FHOD3: variants seen among roughly 807,000 people sequenced by gnomAD.
The protein encoded by FHOD3 is FH1/FH2 domain-containing protein 3.
Under a neutral mutation model 173.0 loss-of-function variants are expected in FHOD3, and 90 were observed. That is an observed-to-expected ratio of 0.52 (90% CI 0.44 to 0.62). The LOEUF (loss-of-function observed/expected upper bound fraction) is 0.62, where lower values mean the gene tolerates loss of function less well. Among genes scored for constraint, FHOD3 ranks in the 20% least tolerant of loss-of-function variants. The pLI, the probability that FHOD3 is intolerant of heterozygous loss-of-function variation, is 0.00. For synonymous variants in FHOD3, 828 were observed against 823.0 expected (o/e 1.01, Z -0.10); for missense variants, 1,945 against 2,034.7 (o/e 0.96, Z 0.85).
At chr18:36,298,996 A>T (rs2144303388) in intron 1 of FHOD3, among the ~76,000 whole-genome samples, 1 of 152,196 alleles carries the variant, frequency 6.6e-6, no homozygotes, top group Non-Finnish European at 1.5e-5. Context: ...TTGAGGGTCG[A>T]CATTAACACA....
chr18:36,389,572 A>G (rs529636782), intron 3 of FHOD3, among the ~76,000 whole-genome samples: 17 of 152,228 alleles, frequency 1.1e-4, no homozygotes, highest in Admixed American at 2.0e-4. Flanking sequence ...GTGGACGTAC[A>G]TAATTATTGT....
intron 10 of FHOD3, among the ~76,000 whole-genome samples, chr18:36,627,825 T>C (rs1673649525): frequency 6.6e-6 from 1 of 152,180 alleles, no homozygotes; most frequent in Non-Finnish European, 1.5e-5. Context: ...AGTCACCTGC[T>C]CAACATCTGT....
chr18:36,671,415 T>C (rs761547082), intron 14 of FHOD3, among the ~76,000 whole-genome samples: 20 of 152,272 alleles, frequency 1.3e-4, no homozygotes, highest in Non-Finnish European at 2.2e-4. Context: ...TGCTGCTGTT[T>C]CATAGATTTT....
At chr18:36,506,347 C>A (rs2055297423) in intron 4 of FHOD3, among the ~76,000 whole-genome samples, 1 of 152,208 alleles carries the variant, frequency 6.6e-6, no homozygotes, top group Non-Finnish European at 1.5e-5. Flanking sequence ...GAAGGATATA[C>A]TACTGCCAAC....
chr18:36,427,865 G>C (rs1568258171), intron 3 of FHOD3, among the ~76,000 whole-genome samples: 1 of 152,180 alleles, frequency 6.6e-6, no homozygotes, highest in Non-Finnish European at 1.5e-5. Context: ...ACTGTCACTG[G>C]ATGTATTTTT....
intron 5 of FHOD3, among the ~76,000 whole-genome samples, chr18:36,574,493 G>C (rs75194110): frequency 0.042 from 6,326 of 151,728 alleles, 335 homozygotes; most frequent in East Asian, 0.15. Flanking sequence ...TAACATATTT[G>C]TTGTCATAGA....
At chr18:36,773,906 C>A (rs905292671) in intron 28 of FHOD3, among the ~76,000 whole-genome samples, 2 of 152,170 alleles carry the variant, frequency 1.3e-5, no homozygotes, top group Non-Finnish European at 2.9e-5. Context: ...TAGCACTTGG[C>A]TAGCATTGTT....
intron 3 of FHOD3, among the ~76,000 whole-genome samples, chr18:36,424,835 A>G (rs755441658): frequency 2.0e-5 from 3 of 152,184 alleles, no homozygotes; most frequent in Non-Finnish European, 2.9e-5. Context: ...CTAAGCTGAA[A>G]TCATCCCTTT....
chr18:36,397,551 A>G (rs1449246986), intron 3 of FHOD3, among the ~76,000 whole-genome samples: 1 of 152,120 alleles, frequency 6.6e-6, no homozygotes, highest in African/African-American at 2.4e-5. Flanking sequence ...TATGCTCTTC[A>G]CCCATTATTT....
rs1444615282 is a variant in FHOD3 at position 36,500,258 on chromosome 18, G to C, written c.338-1674G>C. On this transcript the variant is annotated intron_variant, in intron 3 of 28. Transcript: ENST00000590592. ...GCCGGAAGGCAATATGTCTGGTAGG[G>C]AGACCTTTGAAGAAATGACTGCCAA... Among the ~76,000 whole-genome samples the C allele has an allele frequency of 3.8e-4, 58 of 152,180 alleles. 1 individual carries two copies. The highest frequency in any genetic ancestry group is 3.7e-3 in the Admixed American group (57 of 15,284).
At chr18:36,458,485 G>T (rs961796947) in intron 3 of FHOD3, among the ~76,000 whole-genome samples, 1 of 152,034 alleles carries the variant, frequency 6.6e-6, no homozygotes, top group African/African-American at 2.4e-5. Context: ...CCACAGAGAT[G>T]ATTAAAAACC....
intron 26 of FHOD3, among the ~76,000 whole-genome samples, chr18:36,759,816 C>T (rs1396759441): frequency 6.6e-6 from 1 of 152,260 alleles, no homozygotes; most frequent in Admixed American, 6.5e-5. Flanking sequence ...AGGAAGCCAG[C>T]AGTCTGTGGA....
Position 36,742,868 on chromosome 18 carries a change from C to T in FHOD3, c.3879+12C>T, listed in dbSNP as rs2041969468. 6.2e-7 allele frequency: 1 copy of T among 1,607,958 alleles called. No individual in the cohort carries two copies. The highest frequency in any genetic ancestry group is 8.5e-7 in the Non-Finnish European group (1 of 1,177,950). ...TAAATGGAACTAATGTAAGTCATCC[C>T]CATCCCTCATCCTGTAGCCCCCCCT... On this transcript the variant is annotated intron_variant, in intron 22 of 28. Coordinates refer to ENST00000590592, the MANE Select transcript of FHOD3 (RefSeq NM_001281740.3).
At chr18:36,738,304 T>C (rs1173596821) in intron 20 of FHOD3, among the ~76,000 whole-genome samples, 24 of 152,354 alleles carry the variant, frequency 1.6e-4, no homozygotes, top group Admixed American at 1.6e-3. Context: ...TACAAGTGTT[T>C]GTGTCAAAGT....
intron 3 of FHOD3, among the ~76,000 whole-genome samples, chr18:36,428,505 G>A (rs12457257): frequency 0.28 from 42,423 of 151,996 alleles, 6,699 homozygotes; most frequent in East Asian, 0.48. Context: ...CAGGGGTGTC[G>A]TGGAAAAGAG....
chr18:36,500,248 G>A (rs890794667), intron 3 of FHOD3, among the ~76,000 whole-genome samples: 25 of 152,370 alleles, frequency 1.6e-4, no homozygotes, highest in Admixed American at 1.4e-3. Context: ...AAGGCAATAT[G>A]TCTGGTAGGG....
At chr18:36,726,802 G>A (rs1339601470) in intron 19 of FHOD3, among the ~76,000 whole-genome samples, 3 of 152,262 alleles carry the variant, frequency 2.0e-5, no homozygotes, top group Admixed American at 1.3e-4. Context: ...AGCCTCCCGA[G>A]TAGCTGGGAC....
At chr18:36,529,799 C>CA (rs561869140) in intron 5 of FHOD3, among the ~76,000 whole-genome samples, 1 of 151,834 alleles carries the variant, frequency 6.6e-6, no homozygotes, top group South Asian at 2.1e-4. Context: ...GACTCTGTCT[C>CA]AAAAAATAAA....
At chr18:36,563,625 A>G (rs571462005) in intron 5 of FHOD3, among the ~76,000 whole-genome samples, 7 of 152,344 alleles carry the variant, frequency 4.6e-5, no homozygotes, top group African/African-American at 1.2e-4. Context: ...TTTGGAAGTA[A>G]GAAATGGTGG....
Sources: allele counts gnomAD v4.1 joint callset (sites outside exome capture counted in the v4.1 genomes callset), GRCh38; gene constraint gnomAD v4.1.1; transcripts MANE v1.5; gene names NCBI Gene and HGNC (gene_info 2026-07-23, HGNC 2026-07-21).